DIAPH2: variants seen among roughly 807,000 people sequenced by gnomAD.
The protein encoded by DIAPH2 is diaphanous related formin 2, also known as protein diaphanous homolog 2.
DIAPH2 carries 35 observed loss-of-function variants against 92.7 expected under a neutral mutation model. That is an observed-to-expected ratio of 0.38 (90% CI 0.29 to 0.50). DIAPH2 has a LOEUF of 0.50. Among genes scored for constraint, DIAPH2 ranks in the 20% least tolerant of loss-of-function variants. The pLI, the probability that DIAPH2 is intolerant of heterozygous loss-of-function variation, is 0.94. For synonymous variants in DIAPH2, 301 were observed against 280.4 expected, an observed-to-expected ratio of 1.07 and a Z score of -0.73; for missense variants, 701 against 819.5, an observed-to-expected ratio of 0.86 and a Z score of 1.77.
intron 22 of DIAPH2, among the ~76,000 whole-genome samples, chrX:97,246,498 A>G (rs898924188): frequency 8.9e-6 from 1 of 112,140 alleles, no homozygotes; most frequent in Admixed American, 9.5e-5. Context: ...TAATAGAAAA[A>G]AAATAGTCTT....
At chrX:97,094,276 C>T (rs758205323) in intron 19 of DIAPH2, among the ~76,000 whole-genome samples, 1 of 111,479 alleles carries the variant, frequency 9.0e-6, no homozygotes, top group African/African-American at 3.3e-5. Flanking sequence ...AAAGTCAATG[C>T]GCCTTCTAGG....
intron 22 of DIAPH2, among the ~76,000 whole-genome samples, chrX:97,151,108 G>C (rs1052933165): frequency 9.0e-6 from 1 of 111,660 alleles, no homozygotes; most frequent in Non-Finnish European, 1.9e-5. Flanking sequence ...GTTATTCTTA[G>C]GGTGGGTTCA....
At chrX:96,741,637 T>C (rs1448949205) in intron 3 of DIAPH2, among the ~76,000 whole-genome samples, 1 of 109,547 alleles carries the variant, frequency 9.1e-6, no homozygotes, top group African/African-American at 3.3e-5. Context: ...TGCACCACCA[T>C]ACCCAGCTAA....
intron 4 of DIAPH2, among the ~76,000 whole-genome samples, chrX:96,836,946 C>T (rs2064898822): frequency 9.7e-6 from 1 of 103,428 alleles, no homozygotes; most frequent in South Asian, 4.6e-4. Context: ...CCAGGATGGT[C>T]TCGATCTCCT....
intron 1 of DIAPH2, among the ~76,000 whole-genome samples, chrX:96,711,182 C>A (rs1172239841): frequency 1.3e-4 from 14 of 111,771 alleles, no homozygotes; most frequent in African/African-American, 3.2e-5. Flanking sequence ...ATAATGACTT[C>A]TTTTCCTTTG....
intron 22 of DIAPH2, among the ~76,000 whole-genome samples, chrX:97,201,618 A>G (rs974545047): frequency 1.8e-5 from 2 of 109,191 alleles, no homozygotes; most frequent in Non-Finnish European, 3.8e-5. Context: ...AAGATTGGAG[A>G]ACATAGAATG....
chrX:97,476,016 C>A (rs773499697), intron 26 of DIAPH2, among the ~76,000 whole-genome samples: 4 of 110,230 alleles, frequency 3.6e-5, no homozygotes, highest in Admixed American at 1.9e-4. Flanking sequence ...TTAATTGGAG[C>A]TTTGTGTTGT....
intron 26 of DIAPH2, among the ~76,000 whole-genome samples, chrX:97,459,296 A>G (rs1037046996): frequency 1.1e-4 from 12 of 112,038 alleles, no homozygotes; most frequent in Admixed American, 1.0e-3. Context: ...AGCAAACACT[A>G]TGGAGTTAGA....
At chrX:97,411,724 G>C in intron 25 of DIAPH2, among the ~76,000 whole-genome samples, 1 of 111,371 alleles carries the variant, frequency 9.0e-6, no homozygotes, top group Non-Finnish European at 1.9e-5. Context: ...CAAACAAATG[G>C]AAAGCAACGA....
In DIAPH2 at chrX:97,099,667, A is replaced by C. The variant is rs371333766; in HGVS notation, c.2248-27A>C. 5 of 1,049,958 alleles carry C rather than the reference A, an allele frequency of 4.8e-6. No homozygotes were observed. In the African/African-American group the frequency reaches 9.8e-5, roughly 20 times the overall value. The allele number at this position is 1,049,958 out of a possible 1,213,427, so 86.5% of individuals were successfully genotyped here. A position where few individuals can be genotyped will look rare whatever the true frequency, so the allele number is the denominator to read the frequency against. On this transcript the variant is annotated intron_variant, in intron 19 of 26. Transcript: ENST00000324765. ...TAAAAATTCTAATACTAAAACACTA[A>C]ACTTTTATACTTTTATTTCTTTTTA...
rs201405289 is a variant in DIAPH2 at position 97,191,326 on chromosome X, C to CA, written c.2719+49543dup. Reference sequence around the variant, plus strand: ...CTGGGCAACAAGAGGGAAACTCTCTCAAAAAAAAAAAGAAAAAAAAAAGAA... The same window carrying CA: ...CTGGGCAACAAGAGGGAAACTCTCTCAAAAAAAAAAAAGAAAAAAAAAAGAA... On this transcript the variant is annotated intron_variant, in intron 22 of 26. Transcript: ENST00000324765. Among the ~76,000 whole-genome samples, 336 of 78,714 alleles carry CA rather than the reference C, an allele frequency of 4.3e-3. 2 individuals are homozygous for CA. The highest frequency in any genetic ancestry group is 0.014 in the Middle Eastern group (2 of 146). 68.4% of individuals were successfully genotyped at this position (78,714 alleles called of 115,157 possible).
chrX:96,865,799 A>C (rs1417698190), intron 4 of DIAPH2, among the ~76,000 whole-genome samples: 1 of 112,424 alleles, frequency 8.9e-6, no homozygotes, highest in Non-Finnish European at 1.9e-5. Context: ...AGTACAGTGA[A>C]TGGCACATAG....
intron 25 of DIAPH2, among the ~76,000 whole-genome samples, chrX:97,410,458 C>T (rs1238203918): frequency 2.7e-5 from 3 of 112,006 alleles, no homozygotes; most frequent in African/African-American, 9.7e-5. Flanking sequence ...TGGGGAGAAA[C>T]CAGAGCAGAA....
At chrX:97,588,765 A>T in intron 26 of DIAPH2, among the ~76,000 whole-genome samples, 1 of 108,359 alleles carries the variant, frequency 9.2e-6, no homozygotes, top group Non-Finnish European at 1.9e-5. Flanking sequence ...AGGGCAGAAA[A>T]CTGGCACCTG....
At chrX:96,812,959 A>T (rs1006312700) in intron 4 of DIAPH2, among the ~76,000 whole-genome samples, 2 of 111,466 alleles carry the variant, frequency 1.8e-5, no homozygotes, top group African/African-American at 6.5e-5. Context: ...TCAATTTTGG[A>T]ATAAGTGTGA....
chrX:97,170,233 A>G (rs191398757), intron 22 of DIAPH2, among the ~76,000 whole-genome samples: 36 of 111,074 alleles, frequency 3.2e-4, no homozygotes, highest in African/African-American at 1.0e-3. Context: ...CTTTGAAGCC[A>G]TTAGACTGGA....
chrX:97,213,296 AGAG>A (rs1028296922), intron 22 of DIAPH2, among the ~76,000 whole-genome samples: 16 of 111,898 alleles, frequency 1.4e-4, no homozygotes, highest in Non-Finnish European at 2.6e-4. Context: ...TCTCCAAACC[AGAG>A]GAGGAAAGAC....
chrX:97,169,577 G>A (rs1307021690), intron 22 of DIAPH2, among the ~76,000 whole-genome samples: 1 of 111,824 alleles, frequency 8.9e-6, no homozygotes, highest in African/African-American at 3.3e-5. Flanking sequence ...GCTTTTATTT[G>A]CAATTGGCCA....
chrX:97,094,504 G>T lies in DIAPH2; in HGVS notation c.2248-5190G>T, dbSNP rs780866050. On this transcript the variant is annotated intron_variant, in intron 19 of 26. Transcript: ENST00000324765. ...TAATGTGTTTTTGAAAATAGTGACTGCATGTTGAGGGATTGAAATGCTCCA... is the reference window on the plus strand; with the variant it reads ...TAATGTGTTTTTGAAAATAGTGACTTCATGTTGAGGGATTGAAATGCTCCA... 1.4e-4 allele frequency among the ~76,000 whole-genome samples: 16 copies of T among 111,976 alleles called. 1 individual carries two copies. In the East Asian group the frequency reaches 3.6e-3, roughly 25 times the overall value.
Sources: allele counts gnomAD v4.1 joint callset (sites outside exome capture counted in the v4.1 genomes callset), GRCh38; gene constraint gnomAD v4.1.1; transcripts MANE v1.5; gene names NCBI Gene and HGNC (gene_info 2026-07-23, HGNC 2026-07-21).